Variants in VTI1A observed in about 807,000 individuals in gnomAD.
The protein encoded by VTI1A is vesicle transport through interaction with t-SNAREs 1A.
In VTI1A, 22 loss-of-function variants were observed where a neutral mutation model predicts 34.9. The observed-to-expected ratio is 0.63, with a 90% confidence interval of 0.45 to 0.90. The LOEUF (loss-of-function observed/expected upper bound fraction) is 0.90. Among genes scored for constraint, VTI1A ranks in the 40% least tolerant of loss-of-function variants. The pLI, the probability that VTI1A is intolerant of heterozygous loss-of-function variation, is 0.00. For synonymous variants in VTI1A, 87 were observed against 97.3 expected (o/e 0.89, Z 0.62); for missense variants, 268 against 275.6 (o/e 0.97, Z 0.20).
the VTI1A span, among the ~76,000 whole-genome samples, chr10:112,829,159 A>T: frequency 6.6e-6 from 1 of 152,118 alleles, no homozygotes; most frequent in Non-Finnish European, 1.5e-5. Flanking sequence ...AAATCTATTG[A>T]TTGGGCTGGG....
At chr10:112,780,519 G>A (rs1380221844) in intron 7 of VTI1A, among the ~76,000 whole-genome samples, 1 of 151,978 alleles carries the variant, frequency 6.6e-6, no homozygotes, top group East Asian at 1.9e-4. Context: ...TCTTGCAGAA[G>A]GCGTTTCCAG....
At chr10:112,782,259 G>A (rs956166183) in intron 7 of VTI1A, among the ~76,000 whole-genome samples, 10 of 152,232 alleles carry the variant, frequency 6.6e-5, no homozygotes, top group African/African-American at 1.4e-4. Context: ...ACTGGCTGTC[G>A]CCAGTTGCAT....
At chr10:112,726,445 A>G (rs2133949281) in intron 7 of VTI1A, among the ~76,000 whole-genome samples, 1 of 152,334 alleles carries the variant, frequency 6.6e-6, no homozygotes, top group Non-Finnish European at 1.5e-5. Context: ...TTAACCCAGA[A>G]CAACCATGCT....
chr10:112,730,887 A>T (rs886567289), intron 7 of VTI1A, among the ~76,000 whole-genome samples: 71 of 152,326 alleles, frequency 4.7e-4, no homozygotes, highest in Non-Finnish European at 1.8e-4. Context: ...TTATAATAAA[A>T]ATTCTGCTAT....
the VTI1A span, among the ~76,000 whole-genome samples, chr10:112,835,805 A>T: frequency 6.6e-6 from 1 of 152,168 alleles, no homozygotes; most frequent in Non-Finnish European, 1.5e-5. Flanking sequence ...AAACCTCATT[A>T]AAAAAAGAAA....
At chr10:112,847,475 C>T in the VTI1A span, among the ~76,000 whole-genome samples, 2 of 152,302 alleles carry the variant, frequency 1.3e-5, no homozygotes, top group South Asian at 2.1e-4. Flanking sequence ...ACAAGCAAAG[C>T]CAGAAACTCA....
At chr10:112,849,359 C>G in the VTI1A span, among the ~76,000 whole-genome samples, 2 of 152,182 alleles carry the variant, frequency 1.3e-5, no homozygotes, top group African/African-American at 4.8e-5. Flanking sequence ...TGCCTGAGCC[C>G]TGAGGTAAGG....
intron 7 of VTI1A, among the ~76,000 whole-genome samples, chr10:112,791,281 T>C (rs553976013): frequency 9.8e-5 from 15 of 152,336 alleles, no homozygotes; most frequent in African/African-American, 3.6e-4. Context: ...TCTGATATTA[T>C]TTTCAGTTTT....
intron 7 of VTI1A, among the ~76,000 whole-genome samples, chr10:112,810,278 C>T (rs1853237511): frequency 6.6e-6 from 1 of 151,694 alleles, no homozygotes; most frequent in Non-Finnish European, 1.5e-5. Flanking sequence ...TGGCAGGTGC[C>T]TGTAATCCCA....
In VTI1A at chr10:112,468,027, T is replaced by C. The variant is rs947895256; in HGVS notation, c.264+3370T>C. 2.6e-5 allele frequency among the ~76,000 whole-genome samples: 4 copies of C among 152,192 alleles called. No homozygotes were observed. The South Asian group carries it at 6.2e-4, about 24-fold the overall frequency. ...AGATACATTATGTAAAGTGAATAAA[T>C]GAATAGAGAGTGACCAGCAGGGTGA... On this transcript the variant is annotated intron_variant, in intron 3 of 7. Coordinates refer to ENST00000393077, the MANE Select transcript of VTI1A (RefSeq NM_145206.4).
intron 5 of VTI1A, among the ~76,000 whole-genome samples, chr10:112,651,830 A>G (rs189587574): frequency 1.3e-5 from 2 of 152,354 alleles, no homozygotes; most frequent in Admixed American, 1.3e-4. Flanking sequence ...GAGAGATGGG[A>G]AAGTCCACTT....
intron 5 of VTI1A, among the ~76,000 whole-genome samples, chr10:112,625,762 G>A (rs1167184933): frequency 1.3e-5 from 2 of 152,168 alleles, no homozygotes; most frequent in Non-Finnish European, 2.9e-5. Flanking sequence ...GAAAGGGTGG[G>A]AAGGGGATGA....
At chr10:112,691,295 A>AAATG (rs1215505634) in intron 7 of VTI1A, among the ~76,000 whole-genome samples, 1 of 149,990 alleles carries the variant, frequency 6.7e-6, no homozygotes, top group African/African-American at 2.5e-5. Context: ...ATAAATAAAT[A>AAATG]AATAAATAAA....
chr10:112,720,732 T>C (rs1205081402), intron 7 of VTI1A, among the ~76,000 whole-genome samples: 1 of 152,222 alleles, frequency 6.6e-6, no homozygotes, highest in Non-Finnish European at 1.5e-5. Flanking sequence ...GTTTTCCGTT[T>C]GGTTAGCGAT....
intron 7 of VTI1A, among the ~76,000 whole-genome samples, chr10:112,773,026 A>G (rs1851858337): frequency 6.6e-6 from 1 of 152,194 alleles, no homozygotes. Flanking sequence ...TAAAATAATT[A>G]CCAATAAGGT....
chr10:112,824,769 C>T, the VTI1A span: 1 of 152,296 alleles, frequency 6.6e-6, no homozygotes, highest in African/African-American at 2.4e-5. Flanking sequence ...GCCAGTCACA[C>T]CCTGCTCCAG....
At chr10:112,683,651 CACTT>C (rs1364630364) in intron 7 of VTI1A, among the ~76,000 whole-genome samples, 3 of 152,140 alleles carry the variant, frequency 2.0e-5, no homozygotes, top group Non-Finnish European at 4.4e-5. Context: ...TTGCTCTACT[CACTT>C]AATATTATAA....
chr10:112,621,079 G>C (rs930158010), intron 5 of VTI1A, among the ~76,000 whole-genome samples: 2 of 152,132 alleles, frequency 1.3e-5, no homozygotes, highest in African/African-American at 4.8e-5. Flanking sequence ...CCATCTTCTT[G>C]TTTTGGTAGT....
At chr10:112,753,545 G>A (rs1044445940) in intron 7 of VTI1A, among the ~76,000 whole-genome samples, 23 of 152,130 alleles carry the variant, frequency 1.5e-4, no homozygotes, top group Non-Finnish European at 2.1e-4. Context: ...ATAGCATGGC[G>A]TGCGCTATTT....
Sources: allele counts gnomAD v4.1 joint callset (sites outside exome capture counted in the v4.1 genomes callset), GRCh38; gene constraint gnomAD v4.1.1; transcripts MANE v1.5; gene names NCBI Gene and HGNC (gene_info 2026-07-23, HGNC 2026-07-21).